PTCD3: variants seen among roughly 807,000 people sequenced by gnomAD.
The protein encoded by PTCD3 is pentatricopeptide repeat domain 3.
PTCD3 carries 89 observed loss-of-function variants against 101.9 expected under a neutral mutation model. That is an observed-to-expected ratio of 0.87 (90% CI 0.74 to 1.04). The LOEUF is 1.04. Ranked by LOEUF, PTCD3 falls within the 50% of genes least tolerant of loss-of-function variation. The pLI is 0.00. For synonymous variants in PTCD3, 296 were observed against 278.5 expected, an observed-to-expected ratio of 1.06 and a Z score of -0.63; for missense variants, 870 against 828.2, an observed-to-expected ratio of 1.05 and a Z score of -0.62.
In PTCD3 at chr2:86,111,158, G is replaced by T. The variant is rs943008740; in HGVS notation, c.240G>T (p.Arg80Ser). The change falls in exon 4 of 24, where the codon AGG becomes AGT. Residue 80 changes from arginine (R) to serine (S), a missense_variant and splice_region_variant. Coordinates refer to ENST00000254630, the MANE Select transcript of PTCD3 (RefSeq NM_017952.6). ...VLQALASTVN[R>S]DTTAVPYVFQ... is the part of the protein sequence containing the mutation. ...AGGCACTTGCATCCACAGTAAACAG[G>T]GTAAGTAGGATTTTGTGTTTTTTTT... 9 of 1,612,196 alleles carry T rather than the reference G, an allele frequency of 5.6e-6. No homozygotes were observed. The highest frequency in any genetic ancestry group is 1.3e-5 in the African/African-American group (1 of 74,820).
chr2:86,129,303 C>A (rs1269077018), intron 14 of PTCD3, among the ~76,000 whole-genome samples: 1 of 152,134 alleles, frequency 6.6e-6, no homozygotes, highest in Non-Finnish European at 1.5e-5. Context: ...ACAGCCAGGA[C>A]TGGGGGATGG....
In PTCD3 at chr2:86,134,902, A is replaced by G; in HGVS notation, c.1693A>G (p.Arg565Gly). ...ATCTGCGTATGAAAGCCAACCCATC[A>G]GACAGACTGCTCAGGATTGGCCAGC... ...IKSAYESQPI[R>G]QTAQDWPATS... Residue 565 changes from arginine (R) to glycine (G), a missense_variant, in exon 21 of 24, where the codon AGA becomes GGA. By Grantham distance (125) the Arg-to-Gly change is moderately radical (BLOSUM62 -2). Transcript: ENST00000254630. 6.2e-7 allele frequency: 1 copy of G among 1,614,166 alleles called. No individual in the cohort carries two copies. The highest frequency in any genetic ancestry group is 8.5e-7 in the Non-Finnish European group (1 of 1,179,996).
chr2:86,121,613 G>A lies in PTCD3; in HGVS notation c.654+19G>A, dbSNP rs1674283785. 6.7e-7 allele frequency: 1 copy of A among 1,495,648 alleles called. No homozygotes were observed. Among genetic ancestry groups the A allele is most frequent in the Non-Finnish European group, 9.1e-7 (1 of 1,100,800 alleles). The allele number at this position is 1,495,648 out of a possible 1,614,324, so 92.6% of individuals were successfully genotyped here. ...AGCATTGGTAATAACTGTTGGCCTT[G>A]ATTTTTTTTTTTCCTTAAGCTTCTT... On this transcript the variant is annotated intron_variant, in intron 8 of 23. Coordinates refer to ENST00000254630, the MANE Select transcript of PTCD3 (RefSeq NM_017952.6).
rs544075166 is a variant in PTCD3, at chr2:86,108,476, T to C, written c.158-24T>C. 12 of 1,588,692 alleles carry C rather than the reference T, an allele frequency of 7.6e-6. No homozygotes were observed. In the South Asian group the frequency reaches 1.3e-4, roughly 17 times the overall value. Reference sequence around the variant, plus strand: ...TTCCATTGTAGTACTAGGAAACTGATTCATGTTTTCTTTTTTACATTAGGG... The same window carrying C: ...TTCCATTGTAGTACTAGGAAACTGACTCATGTTTTCTTTTTTACATTAGGG... On this transcript the variant is annotated intron_variant, in intron 2 of 23. Coordinates refer to ENST00000254630, the MANE Select transcript of PTCD3 (RefSeq NM_017952.6).
Position 86,125,047 on chromosome 2 carries a change from C to G in PTCD3, c.769C>G (p.His257Asp), listed in dbSNP as rs1398737327. 41 of 1,613,906 alleles carry G rather than the reference C, an allele frequency of 2.5e-5. No individual in the cohort carries two copies. Among genetic ancestry groups the G allele is most frequent in the Non-Finnish European group, 3.3e-5 (39 of 1,179,996 alleles). The change falls in exon 10 of 24, where the codon CAT (histidine) becomes GAT (aspartate). Residue 257 changes from histidine to aspartate, a missense_variant. Coordinates refer to ENST00000254630, the MANE Select transcript of PTCD3 (RefSeq NM_017952.6). ...IFSLMPEKNEHSYCTMIRGMV... is the reference protein window; with the variant it reads ...IFSLMPEKNEDSYCTMIRGMV... ...TTCTCTAATGCCAGAGAAAAATGAA[C>G]ATTCCTATTGCACAATGATCCGAGG...
chr2:86,134,909 C>G lies in PTCD3; in HGVS notation c.1700C>G (p.Thr567Ser), dbSNP rs1021764829. The stretch of plus-strand genomic sequence containing the variant: ...TATGAAAGCCAACCCATCAGACAGA[C>G]TGCTCAGGATTGGCCAGCCACCTCT... Reference protein sequence around the residue: ...SAYESQPIRQTAQDWPATSLN... With the variant: ...SAYESQPIRQSAQDWPATSLN... The change falls in exon 21 of 24, where the codon ACT (threonine) becomes AGT (serine). Residue 567 changes from threonine (T) to serine (S), a missense_variant. Transcript: ENST00000254630. 6.2e-7 allele frequency: 1 copy of G among 1,614,030 alleles called. No individual in the cohort carries two copies. The highest frequency in any genetic ancestry group is 8.5e-7 in the Non-Finnish European group (1 of 1,180,004).
chr2:86,125,534 C>G lies in PTCD3; in HGVS notation c.865+19C>G. ...CTCCATGGTGAGTTTGAGAACTCCC[C>G]TCTGTCCCTTTCTCCATTTCCTTCT... On this transcript the variant is annotated intron_variant, in intron 11 of 23. Coordinates refer to ENST00000254630, the MANE Select transcript of PTCD3 (RefSeq NM_017952.6). 6.3e-7 allele frequency: 1 copy of G among 1,585,342 alleles called. No homozygotes were observed. Among genetic ancestry groups the G allele is most frequent in the South Asian group, 1.1e-5 (1 of 90,510 alleles).
chr2:86,121,162 G>T (rs113741476), intron 7 of PTCD3, among the ~76,000 whole-genome samples: 1 of 152,206 alleles, frequency 6.6e-6, no homozygotes. Flanking sequence ...AGTTTGCAGT[G>T]TGTTCAGTTT....
chr2:86,106,783 T>C (rs539472063), intron 1 of PTCD3, among the ~76,000 whole-genome samples: 10 of 152,366 alleles, frequency 6.6e-5, no homozygotes, highest in South Asian at 2.1e-4. Flanking sequence ...AAAGAAGTTA[T>C]CAGGTTTTCG....
At position 86,108,364 on chromosome 2, in the gene PTCD3, G is replaced by A. The variant is rs1192028681; in HGVS notation, c.119G>A (p.Ser40Asn). 1.2e-6 allele frequency: 2 copies of A among 1,608,916 alleles called. No individual in the cohort carries two copies. The highest frequency in any genetic ancestry group is 1.7e-6 in the Non-Finnish European group (2 of 1,178,274). Residue 40 changes from serine to asparagine, a missense_variant, in exon 2 of 24, where the codon AGT becomes AAT. Ser to Asn is a conservative substitution (Grantham distance 46). Transcript: ENST00000254630. ...TTTTTTTGCAGATTTTATTCTGGTA[G>A]TGCAACCCTCTCAAAGGTTGAAGGA... is the stretch of plus-strand genomic sequence containing the variant. ...QARSCRFYSG[S>N]ATLSKVEGTD...
rs1016066827 is a variant in PTCD3 at position 86,139,876 on chromosome 2, T to G, written c.*2317T>G. Reference sequence around the variant, plus strand: ...AAGGGGAGTCTTACTATATGTGGAATAAACTTGCTCAGTGTTGCCACAGAG... The same window carrying G: ...AAGGGGAGTCTTACTATATGTGGAAGAAACTTGCTCAGTGTTGCCACAGAG... On this transcript the variant is annotated 3_prime_UTR_variant, in exon 24 of 24. Transcript: ENST00000254630. 5 of 152,168 alleles carry G rather than the reference T, an allele frequency of 3.3e-5. No homozygotes were observed. Among genetic ancestry groups the G allele is most frequent in the African/African-American group, 1.2e-4 (5 of 41,444 alleles). 9.4% of individuals were successfully genotyped at this position (152,168 alleles called of 1,614,324 possible). A position where few individuals can be genotyped will look rare whatever the true frequency, so the allele number is the denominator to read the frequency against.
chr2:86,107,539 T>G (rs1673983064), intron 1 of PTCD3, among the ~76,000 whole-genome samples: 2 of 152,220 alleles, frequency 1.3e-5, no homozygotes, highest in Non-Finnish European at 2.9e-5. Context: ...TTATCTGTGG[T>G]GTGTTGACTG....
rs775091203 is a variant in PTCD3 at position 86,125,451 on chromosome 2, C to T, written c.805-4C>T. 1 of 1,611,830 alleles carries T rather than the reference C, an allele frequency of 6.2e-7. No homozygotes were observed. Among genetic ancestry groups the T allele is most frequent in the Non-Finnish European group, 8.5e-7 (1 of 1,177,918 alleles). On this transcript the variant is annotated splice_polypyrimidine_tract_variant and splice_region_variant and intron_variant, in intron 10 of 23. Transcript: ENST00000254630. Reference sequence around the variant, plus strand: ...TTGATGATGCTTAATTTTTCCTTTTCCAGCACCGAGCTTATGAGCAGGCAT... The same window carrying T: ...TTGATGATGCTTAATTTTTCCTTTTTCAGCACCGAGCTTATGAGCAGGCAT...
At chr2:86,119,280 T>C (rs1401184373) in intron 7 of PTCD3, 4 of 521,196 alleles carry the variant, frequency 7.7e-6, no homozygotes, top group Admixed American at 3.9e-5. Flanking sequence ...GGTAGAGAAA[T>C]TGTATCACCC....
At chr2:86,107,320 G>A in intron 1 of PTCD3, 1 of 422,698 alleles carries the variant, frequency 2.4e-6, no homozygotes, top group Non-Finnish European at 4.9e-6. Context: ...CAAATAGTGT[G>A]ACTTGAAAGA....
intron 17 of PTCD3, 39 bp from the exon 18 acceptor site, chr2:86,133,139 G>C (rs751891386): frequency 6.2e-7 from 1 of 1,601,754 alleles, no homozygotes; most frequent in Non-Finnish European, 8.5e-7. Context: ...GTTAGACATA[G>C]GGACTTTAGA....
rs1044305872 is a variant in PTCD3, at chr2:86,137,811, A to G, written c.*252A>G. 2 of 407,502 alleles carry G rather than the reference A, an allele frequency of 4.9e-6. No individual in the cohort carries two copies. Among genetic ancestry groups the G allele is most frequent in the African/African-American group, 2.1e-5 (1 of 48,680 alleles). 25.2% of individuals were successfully genotyped at this position (407,502 alleles called of 1,614,324 possible). A position where few individuals can be genotyped will look rare whatever the true frequency, so the allele number is the denominator to read the frequency against. ...TAGCAACATTGCGGTTTTCAGACAC[A>G]TGGTGAGGTCCATGGCTCTTGTCAT... On this transcript the variant is annotated 3_prime_UTR_variant, in exon 24 of 24. Coordinates refer to ENST00000254630, the MANE Select transcript of PTCD3 (RefSeq NM_017952.6).
At chr2:86,126,248 AAG>A (rs1674387898) in intron 12 of PTCD3, among the ~76,000 whole-genome samples, 1 of 151,264 alleles carries the variant, frequency 6.6e-6, no homozygotes, top group African/African-American at 2.4e-5. Flanking sequence ...AAAAAAGAAA[AAG>A]AAACAGAAGT....
Position 86,141,959 on chromosome 2 carries a change from A to ACAT in PTCD3, c.*4402_*4404dup, listed in dbSNP as rs1287364848. 6.6e-6 allele frequency: 1 copy of ACAT among 152,176 alleles called. No individual in the cohort carries two copies. Among genetic ancestry groups the ACAT allele is most frequent in the African/African-American group, 2.4e-5 (1 of 41,416 alleles). 9.4% of individuals were successfully genotyped at this position (152,176 alleles called of 1,614,324 possible). The stretch of plus-strand genomic sequence containing the variant: ...TGCTTTTTGCACATGTTACTGAGTT[A>ACAT]CATCTCAGGAAGATTTTTAAGCACG... On this transcript the variant is annotated 3_prime_UTR_variant, in exon 24 of 24. Coordinates refer to ENST00000254630, the MANE Select transcript of PTCD3 (RefSeq NM_017952.6).
Sources: gnomAD v4.1 joint callset for allele counts (sites outside exome capture counted in the v4.1 genomes callset) on GRCh38, gnomAD v4.1.1 for gene constraint, MANE v1.5 for transcripts, NCBI Gene and HGNC (gene_info 2026-07-23, HGNC 2026-07-21) for gene names.